SLC38A8: variants seen among roughly 807,000 people sequenced by gnomAD.
SLC38A8 encodes the protein amino acid transporter SLC38A8.
A neutral mutation model predicts 46.0 loss-of-function variants in SLC38A8; 65 were observed. The ratio of observed to expected loss-of-function variants is 1.41; its 90% confidence interval spans 1.16 to 1.74. The LOEUF is 1.74. Among genes scored for constraint, SLC38A8 ranks in the 40% most tolerant of loss-of-function variants. The pLI, the probability that SLC38A8 is intolerant of heterozygous loss-of-function variation, is 0.00. For synonymous variants in SLC38A8, 447 were observed against 243.7 expected (o/e 1.83, Z -7.77); for missense variants, 998 against 567.9 (o/e 1.76, Z -7.70).
rs189017427 is a variant in SLC38A8 at position 84,038,741 on chromosome 16, G to T, written c.190-1841C>A. On this transcript the variant is annotated intron_variant, in intron 2 of 10. Transcript: ENST00000299709. ...CACTTCTGTCTCCCTCCCATCCCCA[G>T]AAGAAACCACCGGTCTAGTATTTTC... 6.5e-4 allele frequency among the ~76,000 whole-genome samples: 99 copies of T among 152,288 alleles called. 1 individual carries two copies. The highest frequency in any genetic ancestry group is 5.8e-3 in the Admixed American group (89 of 15,296).
intron 2 of SLC38A8, among the ~76,000 whole-genome samples, chr16:84,041,666 C>A (rs1484516580): frequency 6.6e-6 from 1 of 152,158 alleles, no homozygotes; most frequent in East Asian, 1.9e-4. Flanking sequence ...GCTGGCCAGG[C>A]AGGGCGCCCA....
chr16:84,029,991 C>G (rs1284648770), intron 5 of SLC38A8, among the ~76,000 whole-genome samples: 1 of 152,192 alleles, frequency 6.6e-6, no homozygotes, highest in East Asian at 1.9e-4. Context: ...ACCTCCAGGT[C>G]CAGCCTCTTG....
chr16:84,025,680 G>A (rs908804510), intron 6 of SLC38A8, among the ~76,000 whole-genome samples: 1 of 152,176 alleles, frequency 6.6e-6, no homozygotes, highest in Admixed American at 6.5e-5. Flanking sequence ...TCACTCATGA[G>A]TCCTCCTCGG....
chr16:84,033,431 G>T lies in SLC38A8; in HGVS notation c.427C>A (p.Gln143Lys). ...AAGCGCTGGTCTGCGTACCACGGCT[G>T]CGGGGCGGGCGGGGTGCCAGACAGG... is the stretch of plus-strand genomic sequence containing the variant. ...SLLSGTPPAPQPWYADQRFTL... is the reference protein window; with the variant it reads ...SLLSGTPPAPKPWYADQRFTL... Residue 143 changes from glutamine to lysine, a missense_variant, in exon 4 of 11, where the codon CAG becomes AAG. Transcript: ENST00000299709. 2 of 1,611,190 alleles carry T rather than the reference G, an allele frequency of 1.2e-6. No individual in the cohort carries two copies. The highest frequency in any genetic ancestry group is 1.7e-6 in the Non-Finnish European group (2 of 1,178,800).
intron 7 of SLC38A8, 105 bp downstream of exon 7, chr16:84,022,670 T>A (rs534982176): frequency 4.1e-4 from 340 of 827,108 alleles, no homozygotes; most frequent in Non-Finnish European, 6.2e-4. Context: ...AAACATTGAG[T>A]ATTGAGCCCA....
rs761388176 is a variant in SLC38A8, at chr16:84,036,826, G to C, written c.264C>G (p.Tyr88Ter). 32 of 1,613,888 alleles carry C rather than the reference G, an allele frequency of 2.0e-5. No individual in the cohort carries two copies. In the South Asian group the frequency reaches 3.3e-4, roughly 17 times the overall value. Reference protein sequence around the residue: ...YAAAVSGQATYQGVVRGLCGP... With the variant: ...YAAAVSGQAT ...CACACAGCCCCCTGACCACACCCTG[G>C]TAGGTGGCCTGGCCACTGACAGCAG... Residue 88 changes from tyrosine (Y) to a stop codon, truncating the protein, a stop_gained, in exon 3 of 11, where the codon TAC becomes TAG. Coordinates refer to ENST00000299709, the MANE Select transcript of SLC38A8 (RefSeq NM_001080442.3). LOFTEE classifies it high-confidence loss of function.
chr16:84,010,796 C>A (rs2084943376), intron 10 of SLC38A8, among the ~76,000 whole-genome samples: 1 of 152,072 alleles, frequency 6.6e-6, no homozygotes, highest in African/African-American at 2.4e-5. Flanking sequence ...AAAAGTCCCC[C>A]CACCCTCCCT....
intron 5 of SLC38A8, among the ~76,000 whole-genome samples, chr16:84,030,840 T>G (rs1041810823): frequency 2.0e-5 from 3 of 151,658 alleles, no homozygotes; most frequent in Non-Finnish European, 2.9e-5. Context: ...TGGGTGACTG[T>G]AGGGGTCGCA....
intron 3 of SLC38A8, 71 bp downstream of exon 3, chr16:84,036,631 A>C: frequency 6.4e-7 from 1 of 1,562,088 alleles, no homozygotes. Flanking sequence ...CGTCCTGCTC[A>C]ACTGGAAACT....
chr16:84,027,617 A>C (rs899101697), intron 6 of SLC38A8, among the ~76,000 whole-genome samples: 2 of 151,934 alleles, frequency 1.3e-5, no homozygotes, highest in African/African-American at 4.8e-5. Flanking sequence ...CAGCACCTTC[A>C]GTTACATTTA....
intron 5 of SLC38A8, 21 bp from the exon 6 acceptor site, chr16:84,029,572 G>T (rs373246575): frequency 6.2e-7 from 1 of 1,613,504 alleles, no homozygotes; most frequent in South Asian, 1.1e-5. Context: ...ACAAGAACAG[G>T]AGTTTATTAA....
At chr16:84,033,167 G>A (rs1340076341) in intron 4 of SLC38A8, among the ~76,000 whole-genome samples, 161 bp downstream of exon 4, 1 of 152,174 alleles carries the variant, frequency 6.6e-6, no homozygotes, top group Non-Finnish European at 1.5e-5. Flanking sequence ...TCTATGTTTT[G>A]CATCATGCAT....
At chr16:84,010,261 G>A (rs906796280) in intron 10 of SLC38A8, among the ~76,000 whole-genome samples, 1 of 151,846 alleles carries the variant, frequency 6.6e-6, no homozygotes, top group Non-Finnish European at 1.5e-5. Context: ...AGTAGAGATG[G>A]AGTTTCATCA....
chr16:84,022,067 C>A (rs148843510), intron 7 of SLC38A8, among the ~76,000 whole-genome samples: 159 of 152,322 alleles, frequency 1.0e-3, no homozygotes, highest in African/African-American at 3.5e-3. Flanking sequence ...GAAGGCCCCA[C>A]GTCTCAATGC....
At chr16:84,019,875 G>A (rs1460754888) in intron 7 of SLC38A8, among the ~76,000 whole-genome samples, 1 of 152,266 alleles carries the variant, frequency 6.6e-6, no homozygotes, top group African/African-American at 2.4e-5. Context: ...GCGTCAAGCT[G>A]GAGGATCATC....
At chr16:84,041,561 C>T (rs1324498323) in intron 2 of SLC38A8, among the ~76,000 whole-genome samples, 1 of 152,228 alleles carries the variant, frequency 6.6e-6, no homozygotes, top group South Asian at 2.1e-4. Flanking sequence ...GATCCGTCCA[C>T]CTTGGCCTCC....
In SLC38A8 at chr16:84,029,549, G is replaced by A. The variant is rs780054215; in HGVS notation, c.635C>T (p.Pro212Leu). 8 of 1,614,088 alleles carry A rather than the reference G, an allele frequency of 5.0e-6. No individual in the cohort carries two copies. The highest frequency in any genetic ancestry group is 4.4e-5 in the South Asian group (4 of 91,070). Residue 212 changes from proline (P) to leucine (L), a missense_variant and splice_region_variant, in exon 6 of 11, where the codon CCT becomes CTT. Transcript: ENST00000299709. ...ACTGAACACAGAGGTCCAGGAGGCA[G>A]GGCTGTAAACAGACAAGAACAGGAG... ...LVRESHPSLSPASWTSVFSVF... is the reference protein window; with the variant it reads ...LVRESHPSLSLASWTSVFSVF...
rs372015497 is a variant in SLC38A8, at chr16:84,038,041, T to C, written c.190-1141A>G. 5.3e-5 allele frequency among the ~76,000 whole-genome samples: 8 copies of C among 151,578 alleles called. No individual in the cohort carries two copies. The East Asian group carries it at 1.3e-3, about 26-fold the overall frequency. On this transcript the variant is annotated intron_variant, in intron 2 of 10. Transcript: ENST00000299709. ...TAAAAAATTTTCAGGCCAGGTGCTATGGCTCACGCCTGTAATCCCAGCACT... is the reference window on the plus strand; with the variant it reads ...TAAAAAATTTTCAGGCCAGGTGCTACGGCTCACGCCTGTAATCCCAGCACT...
chr16:84,039,542 C>G (rs945909858), intron 2 of SLC38A8, among the ~76,000 whole-genome samples: 3 of 152,028 alleles, frequency 2.0e-5, no homozygotes, highest in African/African-American at 7.2e-5. Flanking sequence ...GTCAGGAGAT[C>G]GAGACCATCC....
Sources: allele counts gnomAD v4.1 joint callset (sites outside exome capture counted in the v4.1 genomes callset), GRCh38; gene constraint gnomAD v4.1.1; transcripts MANE v1.5; gene names NCBI Gene and HGNC (gene_info 2026-07-23, HGNC 2026-07-21).